The following CCDC22 variants were observed in gnomAD, a reference collection of about 807,000 sequenced individuals.
The protein encoded by CCDC22 is coiled-coil domain-containing protein 22.
CCDC22 carries 4 observed loss-of-function variants against 53.1 expected under a neutral mutation model. The ratio of observed to expected loss-of-function variants is 0.08; its 90% confidence interval spans 0.04 to 0.17. The LOEUF (loss-of-function observed/expected upper bound fraction) is 0.17. CCDC22 is among the 10% of genes least tolerant of loss of function. The pLI, the probability that CCDC22 is intolerant of heterozygous loss-of-function variation, is 1.00. For missense variants in CCDC22, 458 were observed against 554.0 expected (o/e 0.83, Z 1.74); for synonymous variants, 222 against 224.4 (o/e 0.99, Z 0.10).
At chrX:49,237,900 C>T (rs1557112938) in intron 2 of CCDC22, among the ~76,000 whole-genome samples, 1 of 106,627 alleles carries the variant, frequency 9.4e-6, no homozygotes, top group Non-Finnish European at 1.9e-5. Flanking sequence ...GCTGGGACTA[C>T]AGGCGTGTGC....
chrX:49,250,516 C>T lies in CCDC22; in HGVS notation c.*255C>T, dbSNP rs1157985459. 2.1e-6 allele frequency: 1 copy of T among 465,287 alleles called. No individual in the cohort carries two copies. Among genetic ancestry groups the T allele is most frequent in the African/African-American group, 2.4e-5 (1 of 42,401 alleles). 38.3% of individuals were successfully genotyped at this position (465,287 alleles called of 1,213,427 possible). A position where few individuals can be genotyped will look rare whatever the true frequency, so the allele number is the denominator to read the frequency against. ...GATCCCAAATAAATGAGTAGTTCCT[C>T]TGCAGTCTAAGCTGAGGCATGGATC... On this transcript the variant is annotated 3_prime_UTR_variant, in exon 17 of 17. Coordinates refer to ENST00000376227, the MANE Select transcript of CCDC22 (RefSeq NM_014008.5).
intron 7 of CCDC22, 116 bp from the exon 8 acceptor site, chrX:49,247,380 G>A (rs1703121832): frequency 3.1e-6 from 2 of 653,019 alleles, no homozygotes; most frequent in African/African-American, 4.3e-5. Flanking sequence ...GCCACCATCG[G>A]TGCTTCAGTG....
Position 49,250,210 on chromosome X carries a change from A to T in CCDC22, c.1833A>T (p.Arg611=), listed in dbSNP as rs782529954. The stretch of plus-strand genomic sequence containing the variant: ...TGGAGAAGATCCGGGAGGACTACCG[A>T]GCCCTCCGCCAGGAGAACGCTGGCC... ...SNLEKIREDY[R]ALRQENAGLL... Residue 611 remains arginine, a synonymous_variant, in exon 17 of 17, where the codon CGA becomes CGT. Transcript: ENST00000376227. 6.0e-6 allele frequency: 7 copies of T among 1,165,217 alleles called. No homozygotes were observed. In the African/African-American group the frequency reaches 1.1e-4, roughly 18 times the overall value.
In CCDC22 at chrX:49,246,914, A is replaced by G. The variant is rs1745453043; in HGVS notation, c.898A>G (p.Thr300Ala). The change falls in exon 7 of 17, where the codon ACC (threonine) becomes GCC (alanine). Residue 300 changes from threonine to alanine, a missense_variant. Around this residue, in one of 4 missense-constraint regions of CCDC22, gnomAD observed 309 missense variants for 312.3 expected, o/e 0.99. Coordinates refer to ENST00000376227, the MANE Select transcript of CCDC22 (RefSeq NM_014008.5). ...CCGCTTCACGCACTCAGAGAAGTTC[A>G]CCTTCCATCTGGTGGGTGCGCCTGA... ...GSRFTHSEKFTFHLEPQAQAT... is the reference protein window; with the variant it reads ...GSRFTHSEKFAFHLEPQAQAT... The G allele has an allele frequency of 5.9e-6, 7 of 1,192,420 alleles. No individual in the cohort carries two copies. The highest frequency in any genetic ancestry group is 7.9e-6 in the Non-Finnish European group (7 of 885,037).
At chrX:49,239,489 A>C (rs2065953769) in intron 2 of CCDC22, 4 of 728,265 alleles carry the variant, frequency 5.5e-6, no homozygotes, top group Non-Finnish European at 6.5e-6. Flanking sequence ...GAACTGACCC[A>C]GGAAGTATAT....
In CCDC22 at chrX:49,243,269, T is replaced by C; in HGVS notation, c.536-15T>C. The C allele has an allele frequency of 8.3e-7, 1 of 1,199,178 alleles. No individual in the cohort carries two copies. Among genetic ancestry groups the C allele is most frequent in the Non-Finnish European group, 1.1e-6 (1 of 887,658 alleles). On this transcript the variant is annotated splice_polypyrimidine_tract_variant and intron_variant, in intron 5 of 16. Transcript: ENST00000376227. ...GCCATGCGGCAGGGCCAGCTGACTCTGTTCCTGCCTCCAGAGCCACGGGAG... is the reference window on the plus strand; with the variant it reads ...GCCATGCGGCAGGGCCAGCTGACTCCGTTCCTGCCTCCAGAGCCACGGGAG...
In CCDC22 at chrX:49,249,158, G is replaced by A. The variant is rs782152694; in HGVS notation, c.1540-9G>A. 1 of 1,204,563 alleles carries A rather than the reference G, an allele frequency of 8.3e-7. No individual in the cohort carries two copies. Among genetic ancestry groups the A allele is most frequent in the Non-Finnish European group, 1.1e-6 (1 of 888,955 alleles). On this transcript the variant is annotated splice_polypyrimidine_tract_variant and intron_variant, in intron 13 of 16. Coordinates refer to ENST00000376227, the MANE Select transcript of CCDC22 (RefSeq NM_014008.5). ...GGCAGGGGCTCATGGCTGCCATGGTGTCTGCCAGATCTTGTCTGATACGAA... is the reference window on the plus strand; with the variant it reads ...GGCAGGGGCTCATGGCTGCCATGGTATCTGCCAGATCTTGTCTGATACGAA...
At chrX:49,236,113 CGGG>C (rs1474369261) in intron 1 of CCDC22, among the ~76,000 whole-genome samples, 24 of 109,029 alleles carry the variant, frequency 2.2e-4, no homozygotes, top group African/African-American at 7.4e-4. Flanking sequence ...CCCTGGCACT[CGGG>C]GACTCCAAAA....
chrX:49,243,401 C>T lies in CCDC22; in HGVS notation c.653C>T (p.Thr218Met), dbSNP rs912598985. The T allele has an allele frequency of 1.7e-5, 20 of 1,202,490 alleles. No individual in the cohort carries two copies. The highest frequency in any genetic ancestry group is 6.6e-5 in the Admixed American group (3 of 45,113). Reference protein sequence around the residue: ...EHHALQLCQQTGRDRPGDEDW... With the variant: ...EHHALQLCQQMGRDRPGDEDW... ...CATGCCCTGCAGCTCTGCCAGCAGA[C>T]GGGCCGGGACCGGCCAGGGGATGAG... The change falls in exon 6 of 17, where the codon ACG becomes ATG. Residue 218 changes from threonine to methionine, a missense_variant. By Grantham distance (81) the Thr-to-Met change is moderately conservative. Around this residue, in one of 4 missense-constraint regions of CCDC22, gnomAD observed 309 missense variants for 312.3 expected, o/e 0.99. Coordinates refer to ENST00000376227, the MANE Select transcript of CCDC22 (RefSeq NM_014008.5).
Position 49,235,630 on chromosome X carries a change from C to T in CCDC22, c.-7C>T, listed in dbSNP as rs1435298417. The T allele has an allele frequency of 1.6e-5, 19 of 1,175,604 alleles. No individual in the cohort carries two copies. The East Asian group carries it at 3.5e-4, about 22-fold the overall frequency. ...GACCCAGCCCCCGACTCCGACACGGCTCCACCATGGAGGAGGCGGACCGAA... is the reference window on the plus strand; with the variant it reads ...GACCCAGCCCCCGACTCCGACACGGTTCCACCATGGAGGAGGCGGACCGAA... On this transcript the variant is annotated 5_prime_UTR_variant, in exon 1 of 17. Coordinates refer to ENST00000376227, the MANE Select transcript of CCDC22 (RefSeq NM_014008.5).
intron 2 of CCDC22, among the ~76,000 whole-genome samples, chrX:49,239,978 G>A (rs2147935826): frequency 9.1e-6 from 1 of 109,752 alleles, no homozygotes; most frequent in Non-Finnish European, 1.9e-5. Context: ...GGCTGGGCAC[G>A]TTGGCTCTTG....
chrX:49,235,526 C>T lies in CCDC22; in HGVS notation c.-111C>T. The T allele has an allele frequency of 1.4e-6, 1 of 712,105 alleles. No individual in the cohort carries two copies. Among genetic ancestry groups the T allele is most frequent in the South Asian group, 2.3e-5 (1 of 43,577 alleles). 58.7% of individuals were successfully genotyped at this position (712,105 alleles called of 1,213,427 possible). A position where few individuals can be genotyped will look rare whatever the true frequency, so the allele number is the denominator to read the frequency against. ...ACTACACTTTCCAACTCTCCCCACA[C>T]GACCCGTGACACTCTGTGGACCGCG... On this transcript the variant is annotated 5_prime_UTR_variant, in exon 1 of 17. It adds an upstream start codon to the 5' untranslated region. Coordinates refer to ENST00000376227, the MANE Select transcript of CCDC22 (RefSeq NM_014008.5).
Position 49,249,591 on chromosome X carries a change from G to A in CCDC22, c.1695+23G>A, listed in dbSNP as rs782692561. On this transcript the variant is annotated intron_variant, in intron 15 of 16. Coordinates refer to ENST00000376227, the MANE Select transcript of CCDC22 (RefSeq NM_014008.5). ...GAGGTGAGGGGAGACATGTGCCTGG[G>A]GTGGGGCTGCTGGGGGTGGGTGGGA... The A allele has an allele frequency of 5.9e-6, 7 of 1,186,161 alleles. No homozygotes were observed. In the Admixed American group the frequency reaches 1.5e-4, roughly 26 times the overall value.
chrX:49,248,134 A>T, intron 9 of CCDC22, 57 bp from the exon 10 acceptor site: 1 of 1,197,525 alleles, frequency 8.4e-7, no homozygotes, highest in Non-Finnish European at 1.1e-6. Context: ...AGGGGTGTAC[A>T]GTCATCTGTG....
intron 16 of CCDC22, 86 bp from the exon 17 acceptor site, chrX:49,250,062 C>T (rs2066017891): frequency 1.8e-6 from 1 of 569,952 alleles, no homozygotes; most frequent in Non-Finnish European, 3.0e-6. Flanking sequence ...TGGGAGGGGC[C>T]CAGAGTGGCT....
At chrX:49,250,078 G>A (rs2066018060) in intron 16 of CCDC22, 70 bp from the exon 17 acceptor site, 4 of 645,660 alleles carry the variant, frequency 6.2e-6, no homozygotes, top group African/African-American at 2.2e-5. Context: ...TGGCTGTGAT[G>A]GGGGCTGGTG....
At chrX:49,244,854 C>T (rs1313091939) in intron 6 of CCDC22, among the ~76,000 whole-genome samples, 1 of 110,916 alleles carries the variant, frequency 9.0e-6, no homozygotes, top group Admixed American at 9.5e-5. Flanking sequence ...CATGCCGAGC[C>T]CCCTCTTCTT....
At chrX:49,242,452 C>A in intron 3 of CCDC22, 1 of 310,565 alleles carries the variant, frequency 3.2e-6, no homozygotes, top group Non-Finnish European at 4.3e-6. Flanking sequence ...GGGTGCTACT[C>A]AAACATACCC....
At chrX:49,235,772 C>A (rs782145815) in intron 1 of CCDC22, 86 bp downstream of exon 1, 46 of 828,434 alleles carry the variant, frequency 5.6e-5, no homozygotes, top group Non-Finnish European at 7.4e-5. Context: ...CCTTAAAACC[C>A]GGGATCCTGA....
Sources: allele counts gnomAD v4.1 joint callset (sites outside exome capture counted in the v4.1 genomes callset), GRCh38; gene constraint gnomAD v4.1.1; regional missense constraint gnomAD v4.1.1; transcripts MANE v1.5; gene names NCBI Gene and HGNC (gene_info 2026-07-23, HGNC 2026-07-21).